GAS7: variants seen among roughly 807,000 people sequenced by gnomAD.
GAS7 encodes the protein growth arrest specific 7.
In GAS7, 28 loss-of-function variants were observed where a neutral mutation model predicts 71.1. The observed-to-expected ratio is 0.39, with a 90% CI of 0.29 to 0.54. The LOEUF is 0.54. Among genes scored for constraint, GAS7 ranks in the 20% least tolerant of loss-of-function variants. The pLI is 0.62. For missense variants in GAS7, 436 were observed against 627.8 expected, an observed-to-expected ratio of 0.69 and a Z score of 3.27; for synonymous variants, 258 against 245.8, an observed-to-expected ratio of 1.05 and a Z score of -0.46.
intron 2 of GAS7, among the ~76,000 whole-genome samples, chr17:9,994,941 G>A (rs1266913820): frequency 6.6e-6 from 1 of 152,240 alleles, no homozygotes; most frequent in African/African-American, 2.4e-5. Flanking sequence ...GTTCCCAGGT[G>A]TTTGGAGCTG....
At chr17:10,128,664 C>T (rs372590934) in intron 1 of GAS7, among the ~76,000 whole-genome samples, 4 of 150,654 alleles carry the variant, frequency 2.7e-5, no homozygotes, top group East Asian at 2.0e-4. Flanking sequence ...GAGTCACCCA[C>T]GCTGGAGTGC....
intron 5 of GAS7, among the ~76,000 whole-genome samples, chr17:9,953,937 C>T (rs1402391894): frequency 6.6e-6 from 1 of 152,198 alleles, no homozygotes; most frequent in Non-Finnish European, 1.5e-5. Flanking sequence ...ATCATCTCTG[C>T]TCTCAACAGT....
chr17:10,025,804 A>C (rs2072443454), intron 1 of GAS7, among the ~76,000 whole-genome samples: 3 of 152,124 alleles, frequency 2.0e-5, no homozygotes, highest in Non-Finnish European at 4.4e-5. Flanking sequence ...CTGTGCTCTA[A>C]AGCCACTCCG....
intron 1 of GAS7, among the ~76,000 whole-genome samples, chr17:10,085,975 A>T (rs1486387270): frequency 6.6e-6 from 1 of 152,194 alleles, no homozygotes; most frequent in African/African-American, 2.4e-5. Context: ...CTCAAGAAAC[A>T]ATCAGTCACT....
At chr17:10,031,672 G>GT (rs1178213613) in intron 1 of GAS7, among the ~76,000 whole-genome samples, 1 of 152,202 alleles carries the variant, frequency 6.6e-6, no homozygotes, top group Non-Finnish European at 1.5e-5. Context: ...CTGTACGAAT[G>GT]TAAGACAGAA....
intron 1 of GAS7, among the ~76,000 whole-genome samples, chr17:10,156,861 C>A (rs1465726738): frequency 6.6e-6 from 1 of 151,986 alleles, no homozygotes; most frequent in Non-Finnish European, 1.5e-5. Context: ...TATAAACAGC[C>A]CCTCCTTCAA....
At chr17:10,049,842 G>C (rs1377070505) in intron 1 of GAS7, among the ~76,000 whole-genome samples, 1 of 151,750 alleles carries the variant, frequency 6.6e-6, no homozygotes, top group Admixed American at 6.6e-5. Context: ...GGCTGGTCTG[G>C]AACTCCCAAC....
intron 1 of GAS7, among the ~76,000 whole-genome samples, chr17:10,116,988 G>A (rs1466595942): frequency 6.6e-6 from 1 of 152,162 alleles, no homozygotes; most frequent in Non-Finnish European, 1.5e-5. Context: ...TGAGGCTGCT[G>A]TAACAAATTC....
At chr17:10,036,017 T>C (rs1039503431) in intron 1 of GAS7, among the ~76,000 whole-genome samples, 10 of 152,200 alleles carry the variant, frequency 6.6e-5, no homozygotes, top group Admixed American at 2.6e-4. Context: ...CCAAGTTTCT[T>C]ACTTGGAAAA....
At chr17:10,196,414 C>T (rs1036870893) in intron 1 of GAS7, among the ~76,000 whole-genome samples, 1 of 152,190 alleles carries the variant, frequency 6.6e-6, no homozygotes, top group African/African-American at 2.4e-5. Flanking sequence ...GTATTGCTCA[C>T]GCAGATGGAT....
chr17:10,180,371 T>C (rs1227401807), intron 1 of GAS7, among the ~76,000 whole-genome samples: 3 of 146,214 alleles, frequency 2.1e-5, no homozygotes, highest in African/African-American at 7.6e-5. Flanking sequence ...GAGGTAGAAG[T>C]TAAGGTAAAT....
intron 1 of GAS7, among the ~76,000 whole-genome samples, chr17:10,030,180 T>A (rs146859847): frequency 9.8e-5 from 15 of 152,296 alleles, no homozygotes; most frequent in African/African-American, 3.4e-4. Flanking sequence ...GTGAGTCTTT[T>A]GAGTCTTACC....
chr17:10,032,800 T>C (rs2072653284), intron 1 of GAS7, among the ~76,000 whole-genome samples: 1 of 152,222 alleles, frequency 6.6e-6, no homozygotes, highest in Admixed American at 6.5e-5. Flanking sequence ...TCAAACTCTT[T>C]TGGTCTAGAT....
intron 1 of GAS7, among the ~76,000 whole-genome samples, chr17:10,125,075 A>G (rs1197967422): frequency 6.6e-6 from 1 of 151,850 alleles, no homozygotes; most frequent in Non-Finnish European, 1.5e-5. Flanking sequence ...AGTAAAAAAA[A>G]AAAAAGGGGG....
chr17:10,194,935 T>G (rs1362809579), intron 1 of GAS7, among the ~76,000 whole-genome samples: 1 of 151,524 alleles, frequency 6.6e-6, no homozygotes, highest in African/African-American at 2.4e-5. Flanking sequence ...TCAGGAAAGA[T>G]TTTTCTAGTT....
At chr17:10,164,509 T>G (rs1597829643) in intron 1 of GAS7, among the ~76,000 whole-genome samples, 1 of 147,518 alleles carries the variant, frequency 6.8e-6, no homozygotes, top group Non-Finnish European at 1.5e-5. Flanking sequence ...CTAGAAAAGG[T>G]TTAACTAGCC....
chr17:9,982,792 A>AG (rs1364092276), intron 2 of GAS7, among the ~76,000 whole-genome samples: 4 of 86,784 alleles, frequency 4.6e-5, no homozygotes, highest in African/African-American at 1.2e-4. Flanking sequence ...AAAGAAAGAA[A>AG]GAAAGGAAAG....
At chr17:10,114,078 C>T (rs1244947976) in intron 1 of GAS7, among the ~76,000 whole-genome samples, 1 of 152,098 alleles carries the variant, frequency 6.6e-6, no homozygotes, top group East Asian at 1.9e-4. Context: ...CCACGCCTGG[C>T]TAATCTTTTT....
At chr17:10,064,906 C>T (rs1378647458) in intron 1 of GAS7, among the ~76,000 whole-genome samples, 2 of 152,204 alleles carry the variant, frequency 1.3e-5, no homozygotes, top group African/African-American at 2.4e-5. Context: ...TAGCTCACTG[C>T]AGCCTCAAAC....
Sources: allele counts gnomAD v4.1 joint callset (sites outside exome capture counted in the v4.1 genomes callset), GRCh38; gene constraint gnomAD v4.1.1; transcripts MANE v1.5; gene names NCBI Gene and HGNC (gene_info 2026-07-23, HGNC 2026-07-21).